The following SORCS2 variants were observed in gnomAD, a reference collection of about 807,000 sequenced individuals.
The protein encoded by SORCS2 is VPS10 domain-containing receptor SorCS2.
A neutral mutation model predicts 141.6 loss-of-function variants in SORCS2; 100 were observed. The observed-to-expected ratio is 0.71, with a 90% CI of 0.60 to 0.83. SORCS2 has a LOEUF of 0.83. Among genes scored for constraint, SORCS2 ranks in the 40% least tolerant of loss-of-function variants. SORCS2 has a pLI of 0.00. For synonymous variants in SORCS2, 789 were observed against 676.9 expected (o/e 1.17, Z -2.57); for missense variants, 1,646 against 1,560.2 (o/e 1.05, Z -0.93).
intron 3 of SORCS2, among the ~76,000 whole-genome samples, chr4:7,629,971 A>T (rs1158112416): frequency 6.6e-6 from 1 of 152,110 alleles, no homozygotes; most frequent in Non-Finnish European, 1.5e-5. Context: ...TAACTCCAAG[A>T]TGTCCTTGAC....
At chr4:7,421,681 G>A (rs1331130585) in intron 2 of SORCS2, among the ~76,000 whole-genome samples, 2 of 152,246 alleles carry the variant, frequency 1.3e-5, no homozygotes, top group East Asian at 1.9e-4. Context: ...CGGGGACAGC[G>A]AGTGACTGTG....
chr4:7,212,228 G>A (rs1728099066), intron 1 of SORCS2, among the ~76,000 whole-genome samples: 1 of 152,196 alleles, frequency 6.6e-6, no homozygotes, highest in Admixed American at 6.5e-5. Flanking sequence ...TAGCCCACAC[G>A]GCACAGGTCA....
intron 17 of SORCS2, among the ~76,000 whole-genome samples, chr4:7,716,487 T>A (rs1726196649): frequency 6.6e-6 from 1 of 152,180 alleles, no homozygotes; most frequent in South Asian, 2.1e-4. Context: ...CATCCATCTA[T>A]CCATTCAGTT....
chr4:7,741,721 G>A lies in SORCS2; in HGVS notation c.*1457G>A, dbSNP rs1712693803. 6.3e-6 allele frequency: 1 copy of A among 157,544 alleles called. No individual in the cohort carries two copies. The highest frequency in any genetic ancestry group is 1.4e-5 in the Non-Finnish European group (1 of 71,932). The allele number at this position is 157,544 out of a possible 1,614,324, so 9.8% of individuals were successfully genotyped here. A position where few individuals can be genotyped will look rare whatever the true frequency, so the allele number is the denominator to read the frequency against. On this transcript the variant is annotated 3_prime_UTR_variant, in exon 27 of 27. Coordinates refer to ENST00000507866, the MANE Select transcript of SORCS2 (RefSeq NM_020777.3). ...TCCCTCTCAGAAAGGGAGAACGCCAGAGCCCTGGCTGGTGACATGCTGGCT... is the reference window on the plus strand; with the variant it reads ...TCCCTCTCAGAAAGGGAGAACGCCAAAGCCCTGGCTGGTGACATGCTGGCT...
chr4:7,468,646 G>A (rs935175299), intron 2 of SORCS2, among the ~76,000 whole-genome samples: 2 of 152,200 alleles, frequency 1.3e-5, no homozygotes, highest in Non-Finnish European at 2.9e-5. Context: ...CTGGCATGGC[G>A]CTTCACCCAG....
At chr4:7,396,160 A>G (rs922700257) in intron 1 of SORCS2, 128 bp from the exon 2 acceptor site, 1 of 766,746 alleles carries the variant, frequency 1.3e-6, no homozygotes, top group African/African-American at 1.8e-5. Flanking sequence ...GATACTGACT[A>G]AGAGAGGCCC....
At chr4:7,400,439 G>C (rs1724499749) in intron 2 of SORCS2, among the ~76,000 whole-genome samples, 1 of 151,202 alleles carries the variant, frequency 6.6e-6, no homozygotes, top group South Asian at 2.1e-4. Flanking sequence ...TTGAAATGTG[G>C]GAGTTCCTGT....
At chr4:7,509,855 T>G (rs1164998948) in intron 2 of SORCS2, among the ~76,000 whole-genome samples, 1 of 151,994 alleles carries the variant, frequency 6.6e-6, no homozygotes, top group African/African-American at 2.4e-5. Flanking sequence ...ACATAGGGGG[T>G]TGGGGGTGGC....
At chr4:7,547,405 C>G (rs1278724108) in intron 3 of SORCS2, among the ~76,000 whole-genome samples, 1 of 152,220 alleles carries the variant, frequency 6.6e-6, no homozygotes, top group Non-Finnish European at 1.5e-5. Flanking sequence ...GAGCCTTTTG[C>G]CAGCCTTCTG....
At chr4:7,693,031 G>A (rs1377090086) in intron 11 of SORCS2, among the ~76,000 whole-genome samples, 1 of 152,210 alleles carries the variant, frequency 6.6e-6, no homozygotes, top group Non-Finnish European at 1.5e-5. Context: ...AATCAGCCAT[G>A]TTGATCCCAG....
intron 1 of SORCS2, among the ~76,000 whole-genome samples, chr4:7,392,247 G>A (rs1185585955): frequency 1.3e-5 from 2 of 152,222 alleles, no homozygotes; most frequent in East Asian, 3.9e-4. Context: ...CTGAGGGTTA[G>A]GATGGGCATT....
chr4:7,441,598 C>G (rs1372406332), intron 2 of SORCS2, among the ~76,000 whole-genome samples: 2 of 151,880 alleles, frequency 1.3e-5, no homozygotes, highest in African/African-American at 4.8e-5. Flanking sequence ...TGGGAGCTAC[C>G]CAGCCCAGAT....
At chr4:7,636,936 C>T (rs568250459) in intron 3 of SORCS2, among the ~76,000 whole-genome samples, 42 of 152,020 alleles carry the variant, frequency 2.8e-4, no homozygotes, top group Non-Finnish European at 5.3e-4. Context: ...CGTTCTGTGC[C>T]GCTCCCAGCT....
chr4:7,734,200 C>G (rs143438759), intron 24 of SORCS2, 72 bp from the exon 25 acceptor site: 2 of 975,264 alleles, frequency 2.1e-6, no homozygotes, highest in East Asian at 4.0e-5. Context: ...GGGGGACAGA[C>G]GGGATGGGCT....
At chr4:7,578,813 G>C (rs1715944909) in intron 3 of SORCS2, among the ~76,000 whole-genome samples, 1 of 152,176 alleles carries the variant, frequency 6.6e-6, no homozygotes, top group African/African-American at 2.4e-5. Context: ...GTTTCTCCCA[G>C]TTTTGGAATT....
intron 1 of SORCS2, among the ~76,000 whole-genome samples, chr4:7,306,367 T>G (rs1309062995): frequency 1.7e-4 from 24 of 138,726 alleles, no homozygotes; most frequent in African/African-American, 3.3e-4. Context: ...CTGGTGGGGG[T>G]GGGTGTGTAG....
At chr4:7,491,863 G>C (rs1328566099) in intron 2 of SORCS2, among the ~76,000 whole-genome samples, 2 of 152,202 alleles carry the variant, frequency 1.3e-5, no homozygotes, top group African/African-American at 4.8e-5. Context: ...CACAGTGGCT[G>C]TCCAGGGCTG....
intron 1 of SORCS2, among the ~76,000 whole-genome samples, chr4:7,269,011 T>G (rs1172362119): frequency 6.6e-6 from 1 of 152,130 alleles, no homozygotes; most frequent in Non-Finnish European, 1.5e-5. Context: ...TAGAAGCACA[T>G]GGGCTGGGGC....
chr4:7,672,200 C>T lies in SORCS2; in HGVS notation c.1162-3850C>T, dbSNP rs140884436. On this transcript the variant is annotated intron_variant, in intron 8 of 26. Transcript: ENST00000507866. Reference sequence around the variant, plus strand: ...TCAAGTGATCCACCTGCCTCAGCCTCCCAAAGTGCTGGGACTACAGCCGTG... The same window carrying T: ...TCAAGTGATCCACCTGCCTCAGCCTTCCAAAGTGCTGGGACTACAGCCGTG... Among the ~76,000 whole-genome samples, 644 of 152,254 alleles carry T rather than the reference C, an allele frequency of 4.2e-3. 4 individuals carry two copies. Among genetic ancestry groups the T allele is most frequent in the African/African-American group, 0.015 (610 of 41,542 alleles).
Sources: allele counts gnomAD v4.1 joint callset (sites outside exome capture counted in the v4.1 genomes callset), GRCh38; gene constraint gnomAD v4.1.1; transcripts MANE v1.5; gene names NCBI Gene and HGNC (gene_info 2026-07-23, HGNC 2026-07-21).